The following TBCK variants were observed in gnomAD, a reference collection of about 807,000 sequenced individuals.
The protein encoded by TBCK is TBC1 domain containing kinase, also known as TBC domain-containing protein kinase-like protein.
A neutral mutation model predicts 113.4 loss-of-function variants in TBCK; 99 were observed. The observed-to-expected ratio is 0.87, with a 90% CI of 0.74 to 1.03. TBCK has a LOEUF of 1.03. Ranked by LOEUF, TBCK falls within the 50% of genes least tolerant of loss-of-function variation. The probability of loss-of-function intolerance (pLI) is 0.00; values close to 1 mark genes in which losing one functional copy is unlikely to be tolerated. For missense variants in TBCK, 1,045 were observed against 1,061.3 expected, an observed-to-expected ratio of 0.98 and a Z score of 0.21; for synonymous variants, 369 against 370.8, an observed-to-expected ratio of 1.00 and a Z score of 0.05.
chr4:106,214,190 A>C (rs1314897130), intron 19 of TBCK, among the ~76,000 whole-genome samples: 1 of 152,200 alleles, frequency 6.6e-6, no homozygotes, highest in South Asian at 2.1e-4. Flanking sequence ...ACAAACAGAA[A>C]GGACATCCAC....
chr4:106,242,024 TAAG>T, intron 12 of TBCK, among the ~76,000 whole-genome samples: 1 of 151,718 alleles, frequency 6.6e-6, no homozygotes, highest in East Asian at 1.9e-4. Context: ...CTCAAATCAA[TAAG>T]AAATCACTCA....
rs1743464030 is a variant in TBCK at position 106,116,139 on chromosome 4, T to G, written c.2411+64A>C. The G allele has an allele frequency of 2.7e-6, 4 of 1,484,274 alleles. No homozygotes were observed. In the Admixed American group the frequency reaches 8.2e-5, roughly 31 times the overall value. The allele number at this position is 1,484,274 out of a possible 1,614,324, so 91.9% of individuals were successfully genotyped here. ...TTTTTTTTTTTAACCACACAACACT[T>G]AAATGAAAGGATGCAATACAAATAA... On this transcript the variant is annotated intron_variant, in intron 24 of 25. Coordinates refer to ENST00000394708, the MANE Select transcript of TBCK (RefSeq NM_001163435.3).
intron 20 of TBCK, among the ~76,000 whole-genome samples, chr4:106,203,303 T>C (rs1194172234): frequency 7.1e-6 from 1 of 140,822 alleles, no homozygotes; most frequent in East Asian, 2.1e-4. Context: ...TATATATATA[T>C]ACTTTCAAAA....
chr4:106,109,340 A>G (rs1033514143), intron 24 of TBCK, among the ~76,000 whole-genome samples: 1 of 152,154 alleles, frequency 6.6e-6, no homozygotes, highest in African/African-American at 2.4e-5. Flanking sequence ...AAAAAGAAGA[A>G]AGCTGGAGAC....
chr4:106,230,988 T>A (rs1012012201), intron 18 of TBCK, among the ~76,000 whole-genome samples: 1 of 151,802 alleles, frequency 6.6e-6, no homozygotes, highest in African/African-American at 2.4e-5. Flanking sequence ...TAAAAACAAT[T>A]CAAAGAGTAA....
intron 23 of TBCK, among the ~76,000 whole-genome samples, chr4:106,169,193 TG>T (rs1185473728): frequency 1.3e-5 from 2 of 152,112 alleles, no homozygotes; most frequent in Admixed American, 6.6e-5. Flanking sequence ...CAAGTTATTT[TG>T]TAGGTATCAA....
chr4:106,298,492 T>A (rs1051586568), intron 2 of TBCK, among the ~76,000 whole-genome samples: 1 of 150,540 alleles, frequency 6.6e-6, no homozygotes, highest in South Asian at 2.1e-4. Flanking sequence ...GTGCCTGTAG[T>A]CCCAGCTACT....
At chr4:106,065,668 ATC>A (rs929444427) in intron 25 of TBCK, among the ~76,000 whole-genome samples, 1 of 152,036 alleles carries the variant, frequency 6.6e-6, no homozygotes, top group Admixed American at 6.6e-5. Flanking sequence ...ATTAGAGATT[ATC>A]TGATTTTTCT....
At chr4:106,170,955 T>C (rs900256490) in intron 23 of TBCK, 140 bp downstream of exon 23, 1 of 640,748 alleles carries the variant, frequency 1.6e-6, no homozygotes, top group Admixed American at 3.8e-5. Context: ...AATATTTCTA[T>C]GAATCAAATC....
At chr4:106,309,994 T>G (rs1049607201) in intron 1 of TBCK, 9 of 152,052 alleles carry the variant, frequency 5.9e-5, no homozygotes, top group African/African-American at 2.2e-4. Context: ...TTGCTCCATA[T>G]CAATCTGAAT....
intron 11 of TBCK, 82 bp downstream of exon 11, chr4:106,244,544 C>T (rs916267224): frequency 7.7e-6 from 9 of 1,167,816 alleles, no homozygotes; most frequent in African/African-American, 1.6e-5. Context: ...AAAAAAACAC[C>T]GATTTTCTTT....
At chr4:106,088,353 A>G (rs1186216201) in intron 25 of TBCK, among the ~76,000 whole-genome samples, 2 of 152,232 alleles carry the variant, frequency 1.3e-5, no homozygotes, top group African/African-American at 2.4e-5. Flanking sequence ...CATGAAAAAA[A>G]GCTCAACATC....
At chr4:106,253,590 G>A (rs1407132520) in intron 5 of TBCK, among the ~76,000 whole-genome samples, 1 of 152,052 alleles carries the variant, frequency 6.6e-6, no homozygotes, top group Non-Finnish European at 1.5e-5. Flanking sequence ...TGTTCCTATT[G>A]TTTTACTTCT....
At chr4:106,208,562 T>G (rs1339271446) in intron 20 of TBCK, among the ~76,000 whole-genome samples, 1 of 152,158 alleles carries the variant, frequency 6.6e-6, no homozygotes, top group Non-Finnish European at 1.5e-5. Context: ...GTAAGGGTGC[T>G]GTCCAACTCA....
At chr4:106,264,858 G>A (rs566970603) in intron 3 of TBCK, among the ~76,000 whole-genome samples, 33 of 151,894 alleles carry the variant, frequency 2.2e-4, no homozygotes, top group African/African-American at 6.8e-4. Context: ...CATGCACGGC[G>A]CATCTGAAAA....
chr4:106,213,852 G>A (rs941775746), intron 19 of TBCK: 4 of 154,908 alleles, frequency 2.6e-5, no homozygotes, highest in Non-Finnish European at 5.7e-5. Flanking sequence ...AGCTCGAACT[G>A]GGTGGAGCCT....
intron 25 of TBCK, among the ~76,000 whole-genome samples, chr4:106,050,104 T>G (rs1176645817): frequency 6.6e-6 from 1 of 152,004 alleles, no homozygotes; most frequent in African/African-American, 2.4e-5. Context: ...ATAGTAGAAT[T>G]TAATGTGAAA....
chr4:106,082,088 C>G (rs192895070), intron 25 of TBCK, among the ~76,000 whole-genome samples: 5 of 152,238 alleles, frequency 3.3e-5, no homozygotes, highest in East Asian at 1.9e-4. Flanking sequence ...CCTAGCAATC[C>G]TACTATATGA....
At chr4:106,292,622 T>C (rs1451694152) in intron 3 of TBCK, among the ~76,000 whole-genome samples, 1 of 151,694 alleles carries the variant, frequency 6.6e-6, no homozygotes, top group East Asian at 1.9e-4. Flanking sequence ...CATGCAGCTC[T>C]GTGAGGAGAT....
Sources: gnomAD v4.1 joint callset for allele counts (sites outside exome capture counted in the v4.1 genomes callset) on GRCh38, gnomAD v4.1.1 for gene constraint, MANE v1.5 for transcripts, NCBI Gene and HGNC (gene_info 2026-07-23, HGNC 2026-07-21) for gene names.